The following EPSTI1 variants were observed in gnomAD, a reference collection of about 807,000 sequenced individuals.
EPSTI1 encodes the protein epithelial stromal interaction 1.
EPSTI1 carries 66 observed loss-of-function variants against 49.9 expected under a neutral mutation model. That is an observed-to-expected ratio of 1.32 (90% CI 1.08 to 1.62). EPSTI1 has a LOEUF of 1.62. EPSTI1 is among the 40% of genes most tolerant of loss of function. EPSTI1 has a pLI of 0.00. For synonymous variants in EPSTI1, 137 were observed against 130.7 expected (o/e 1.05, Z -0.33); for missense variants, 394 against 365.5 (o/e 1.08, Z -0.64).
chr13:42,950,856 G>A (rs1469961802), intron 6 of EPSTI1, among the ~76,000 whole-genome samples: 1 of 152,152 alleles, frequency 6.6e-6, no homozygotes, highest in Non-Finnish European at 1.5e-5. Flanking sequence ...CCTTTGTGCT[G>A]TTAAAAATCC....
intron 6 of EPSTI1, among the ~76,000 whole-genome samples, chr13:42,932,516 G>A (rs2038410328): frequency 6.6e-6 from 1 of 151,802 alleles, no homozygotes; most frequent in Non-Finnish European, 1.5e-5. Flanking sequence ...TTTCCAAGGG[G>A]GCAAAAGTCT....
chr13:42,890,510 G>A (rs1192716858), intron 10 of EPSTI1, among the ~76,000 whole-genome samples: 1 of 152,116 alleles, frequency 6.6e-6, no homozygotes, highest in South Asian at 2.1e-4. Context: ...TTGTTAGCCA[G>A]GATGGTCTCG....
intron 6 of EPSTI1, among the ~76,000 whole-genome samples, chr13:42,953,351 A>C (rs890642061): frequency 2.0e-5 from 3 of 152,160 alleles, no homozygotes; most frequent in Non-Finnish European, 2.9e-5. Context: ...TTTAGAATTA[A>C]TGTAGGGCCA....
intron 1 of EPSTI1, among the ~76,000 whole-genome samples, chr13:42,975,765 A>T (rs1399315614): frequency 6.6e-6 from 1 of 152,164 alleles, no homozygotes; most frequent in African/African-American, 2.4e-5. Context: ...TCGACCTGAG[A>T]TGATGTATTT....
At chr13:42,945,554 CTGTT>C (rs543204851) in intron 6 of EPSTI1, among the ~76,000 whole-genome samples, 16 of 152,326 alleles carry the variant, frequency 1.1e-4, no homozygotes, top group Non-Finnish European at 1.6e-4. Context: ...ATAATCAAAT[CTGTT>C]TGACCAGTAG....
chr13:42,958,105 TA>T (rs1479260447), intron 5 of EPSTI1, among the ~76,000 whole-genome samples: 1 of 152,148 alleles, frequency 6.6e-6, no homozygotes, highest in Non-Finnish European at 1.5e-5. Flanking sequence ...TTGGTGATCT[TA>T]GGTAGATTAG....
chr13:42,897,099 CAAAA>C (rs200789783), intron 9 of EPSTI1, among the ~76,000 whole-genome samples: 1 of 122,016 alleles, frequency 8.2e-6, no homozygotes, highest in Admixed American at 8.1e-5. Flanking sequence ...AACTCTGTCT[CAAAA>C]AAAAAAAAAA....
At chr13:42,979,022 T>G (rs541218600) in intron 1 of EPSTI1, among the ~76,000 whole-genome samples, 12 of 152,282 alleles carry the variant, frequency 7.9e-5, no homozygotes, top group African/African-American at 2.6e-4. Flanking sequence ...AAAGTAGTAT[T>G]TATAAATAAT....
At chr13:42,924,373 C>G (rs1396658381) in intron 7 of EPSTI1, among the ~76,000 whole-genome samples, 1 of 152,170 alleles carries the variant, frequency 6.6e-6, no homozygotes, top group Non-Finnish European at 1.5e-5. Flanking sequence ...AAATGCAGCT[C>G]TGGGAAACAT....
intron 1 of EPSTI1, among the ~76,000 whole-genome samples, chr13:42,979,499 G>A (rs964768657): frequency 7.3e-5 from 11 of 151,148 alleles, no homozygotes; most frequent in Non-Finnish European, 1.3e-4. Flanking sequence ...GGAGAATGGC[G>A]TGAACCCGGA....
chr13:42,895,228 A>AGTTTCTGTG, intron 9 of EPSTI1, 120 bp from the exon 10 acceptor site: 1 of 684,408 alleles, frequency 1.5e-6, no homozygotes, highest in Non-Finnish European at 2.4e-6. Context: ...TCAGCTTAGA[A>AGTTTCTGTG]GAAATCCACA....
chr13:42,972,857 A>G (rs1008752258), intron 1 of EPSTI1, among the ~76,000 whole-genome samples: 54 of 152,330 alleles, frequency 3.5e-4, no homozygotes, highest in Non-Finnish European at 1.8e-4. Flanking sequence ...GGAAAAAAAC[A>G]AAAATAAATA....
At chr13:42,986,563 T>C (rs2040082663) in intron 1 of EPSTI1, among the ~76,000 whole-genome samples, 1 of 151,976 alleles carries the variant, frequency 6.6e-6, no homozygotes, top group Admixed American at 6.6e-5. Context: ...GCCAATATGG[T>C]GAAACCTCGT....
intron 10 of EPSTI1, among the ~76,000 whole-genome samples, chr13:42,891,426 A>G (rs1372145545): frequency 2.0e-5 from 3 of 152,188 alleles, no homozygotes; most frequent in Non-Finnish European, 4.4e-5. Flanking sequence ...GCCCACCAAT[A>G]ATGTGTAAAG....
rs1185741402 is a variant in EPSTI1, at chr13:42,954,028, T to C, written c.490-7A>G. ...TCTCCTCCAGTTTATTGCTCTGAAATTGCAAATATCAAAACATAACTTATT... is the reference window on the plus strand; with the variant it reads ...TCTCCTCCAGTTTATTGCTCTGAAACTGCAAATATCAAAACATAACTTATT... On this transcript the variant is annotated splice_region_variant and splice_polypyrimidine_tract_variant and intron_variant, in intron 5 of 10. Transcript: ENST00000313624. 1.2e-6 allele frequency: 2 copies of C among 1,608,084 alleles called. No homozygotes were observed. Among genetic ancestry groups the C allele is most frequent in the Non-Finnish European group, 8.5e-7 (1 of 1,177,654 alleles).
chr13:42,896,966 G>C (rs9567062), intron 9 of EPSTI1, among the ~76,000 whole-genome samples: 57,370 of 151,852 alleles, frequency 0.38, 11,201 homozygotes, highest in East Asian at 0.6. Flanking sequence ...CCGGCATGGT[G>C]GTGGGCACCT....
At chr13:42,968,919 A>ATACACACAC (rs1555268585) in intron 3 of EPSTI1, among the ~76,000 whole-genome samples, 175 bp downstream of exon 3, 1 of 54,414 alleles carries the variant, frequency 1.8e-5, no homozygotes. Flanking sequence ...AAAAAAAAAA[A>ATACACACAC]ATACACACAC....
chr13:42,889,182 A>G (rs759295083), intron 10 of EPSTI1: 1 of 1,550,108 alleles, frequency 6.5e-7, no homozygotes. Flanking sequence ...AGGAAATATT[A>G]TTTAAAGGGA....
At chr13:42,985,977 C>T (rs954706061) in intron 1 of EPSTI1, among the ~76,000 whole-genome samples, 2 of 152,188 alleles carry the variant, frequency 1.3e-5, no homozygotes, top group South Asian at 2.1e-4. Flanking sequence ...GAGAATGTCG[C>T]GATGATTAAA....
Sources: allele counts gnomAD v4.1 joint callset (sites outside exome capture counted in the v4.1 genomes callset), GRCh38; gene constraint gnomAD v4.1.1; transcripts MANE v1.5; gene names NCBI Gene and HGNC (gene_info 2026-07-23, HGNC 2026-07-21).